The following AKAP12 variants were observed in gnomAD, a reference collection of about 807,000 sequenced individuals.
The protein encoded by AKAP12 is A-kinase anchoring protein 12.
A neutral mutation model predicts 79.9 loss-of-function variants in AKAP12; 32 were observed. The ratio of observed to expected loss-of-function variants is 0.40; its 90% confidence interval spans 0.30 to 0.54. AKAP12 has a LOEUF of 0.54. AKAP12 is among the 20% of genes least tolerant of loss of function. The pLI is 0.48. For missense variants in AKAP12, 2,074 were observed against 2,177.0 expected (o/e 0.95, Z 0.94); for synonymous variants, 808 against 857.0 (o/e 0.94, Z 1.00).
chr6:151,254,601 A>G (rs537324780), intron 2 of AKAP12, among the ~76,000 whole-genome samples: 1 of 152,292 alleles, frequency 6.6e-6, no homozygotes, highest in Non-Finnish European at 1.5e-5. Flanking sequence ...TCGGCCTTCC[A>G]AAGTGCTGGG....
intron 2 of AKAP12, among the ~76,000 whole-genome samples, chr6:151,268,716 C>T (rs1017821833): frequency 1.3e-5 from 2 of 152,148 alleles, no homozygotes; most frequent in Non-Finnish European, 1.5e-5. Context: ...GATCTCAGTT[C>T]ACTGCAACCT....
At chr6:151,255,321 A>T (rs1266815543) in intron 2 of AKAP12, among the ~76,000 whole-genome samples, 1 of 151,848 alleles carries the variant, frequency 6.6e-6, no homozygotes, top group East Asian at 1.9e-4. Context: ...ATGCACCACC[A>T]CGCCGGCTGA....
chr6:151,345,028 T>C (rs1778052504), intron 3 of AKAP12, among the ~76,000 whole-genome samples: 2 of 152,168 alleles, frequency 1.3e-5, no homozygotes, highest in Non-Finnish European at 2.9e-5. Flanking sequence ...TATTTCTGCA[T>C]TTCAAGTATT....
At chr6:151,263,405 CACTTA>C (rs1413969780) in intron 2 of AKAP12, among the ~76,000 whole-genome samples, 1 of 152,082 alleles carries the variant, frequency 6.6e-6, no homozygotes, top group African/African-American at 2.4e-5. Context: ...GGAGAATTAC[CACTTA>C]ACTTCCTGAA....
At chr6:151,283,340 TG>T (rs753647185) in intron 2 of AKAP12, among the ~76,000 whole-genome samples, 32 of 152,204 alleles carry the variant, frequency 2.1e-4, no homozygotes, top group Non-Finnish European at 3.2e-4. Flanking sequence ...AGCATGAGGA[TG>T]ACCAAGATGC....
chr6:151,255,781 A>T (rs1297924880), intron 2 of AKAP12, among the ~76,000 whole-genome samples: 1 of 152,156 alleles, frequency 6.6e-6, no homozygotes, highest in Non-Finnish European at 1.5e-5. Flanking sequence ...CAGGTTATCC[A>T]AAAACAAAAC....
chr6:151,294,274 G>T (rs913524460), intron 2 of AKAP12, among the ~76,000 whole-genome samples: 10 of 152,106 alleles, frequency 6.6e-5, no homozygotes, highest in African/African-American at 2.4e-4. Flanking sequence ...GTTCAGCCTG[G>T]AGTTCTTTCC....
At chr6:151,341,725 A>T in intron 3 of AKAP12, 1 of 1,271,776 alleles carries the variant, frequency 7.9e-7, no homozygotes, top group Non-Finnish European at 1.0e-6. Flanking sequence ...TTCGCCCCGC[A>T]GCGATGGCGG....
At chr6:151,245,456 CA>C (rs1257482656) in intron 2 of AKAP12, among the ~76,000 whole-genome samples, 20 of 151,990 alleles carry the variant, frequency 1.3e-4, no homozygotes, top group Middle Eastern at 3.4e-3. Flanking sequence ...CCACCACGCC[CA>C]GCTAAGTTTC....
intron 2 of AKAP12, among the ~76,000 whole-genome samples, chr6:151,256,803 C>T (rs7383059): frequency 0.16 from 23,718 of 151,698 alleles, 2,183 homozygotes; most frequent in Admixed American, 0.3. Flanking sequence ...GCGTGTGCCA[C>T]CATGCCTGCC....
intron 2 of AKAP12, among the ~76,000 whole-genome samples, chr6:151,261,024 T>C (rs1797419507): frequency 6.6e-6 from 1 of 152,094 alleles, no homozygotes; most frequent in Non-Finnish European, 1.5e-5. Flanking sequence ...ACTCTTTTTC[T>C]TCCAGCATGC....
chr6:151,333,486 C>T (rs1450455980), intron 3 of AKAP12, among the ~76,000 whole-genome samples: 2 of 152,214 alleles, frequency 1.3e-5, no homozygotes, highest in African/African-American at 4.8e-5. Context: ...CGCAGTGGCT[C>T]ACGCCTGTAA....
At chr6:151,331,532 C>T (rs1011243501) in intron 3 of AKAP12, among the ~76,000 whole-genome samples, 4 of 152,062 alleles carry the variant, frequency 2.6e-5, no homozygotes, top group East Asian at 1.9e-4. Flanking sequence ...TTTTTCCTTC[C>T]GGAATGTTGT....
intron 2 of AKAP12, among the ~76,000 whole-genome samples, chr6:151,252,049 G>C (rs1243696476): frequency 6.6e-6 from 1 of 152,180 alleles, no homozygotes; most frequent in Non-Finnish European, 1.5e-5. Context: ...GTTTGAGGCA[G>C]ACTCTCTAGA....
chr6:151,296,695 G>T (rs9479006), intron 2 of AKAP12, among the ~76,000 whole-genome samples: 35,909 of 151,998 alleles, frequency 0.24, 4,507 homozygotes, highest in Middle Eastern at 0.32. Flanking sequence ...GAGAATCTCT[G>T]GACCCCGGGA....
At chr6:151,302,933 T>C (rs1776892515) in intron 2 of AKAP12, among the ~76,000 whole-genome samples, 1 of 152,042 alleles carries the variant, frequency 6.6e-6, no homozygotes, top group South Asian at 2.1e-4. Context: ...CAGTGGCTCA[T>C]GCCTGTAATC....
At chr6:151,341,766 C>G (rs1253286165) in intron 3 of AKAP12, 2 of 1,287,424 alleles carry the variant, frequency 1.6e-6, no homozygotes, top group Non-Finnish European at 2.0e-6. Flanking sequence ...CCAACTGTCC[C>G]TTAGGACCGG....
intron 2 of AKAP12, among the ~76,000 whole-genome samples, chr6:151,249,031 T>G (rs1797128009): frequency 6.6e-6 from 1 of 152,016 alleles, no homozygotes; most frequent in Non-Finnish European, 1.5e-5. Context: ...TTAAAATAGA[T>G]TGTGCCATTC....
intron 2 of AKAP12, among the ~76,000 whole-genome samples, chr6:151,279,822 G>A (rs1205896675): frequency 6.6e-6 from 1 of 151,886 alleles, no homozygotes; most frequent in African/African-American, 2.4e-5. Context: ...ACTCCATCCT[G>A]GGTGATGGAG....
Sources: gnomAD v4.1 joint callset for allele counts (sites outside exome capture counted in the v4.1 genomes callset) on GRCh38, gnomAD v4.1.1 for gene constraint, MANE v1.5 for transcripts, NCBI Gene and HGNC (gene_info 2026-07-23, HGNC 2026-07-21) for gene names.